The following PDZRN3 variants were observed in gnomAD, a reference collection of about 807,000 sequenced individuals.
The protein encoded by PDZRN3 is E3 ubiquitin-protein ligase PDZRN3.
In PDZRN3, 38 loss-of-function variants were observed where a neutral mutation model predicts 85.7. That is an observed-to-expected ratio of 0.44 (90% CI 0.34 to 0.58). The LOEUF (loss-of-function observed/expected upper bound fraction) is 0.58, where lower values mean the gene tolerates loss of function less well. PDZRN3 is among the 20% of genes least tolerant of loss of function. PDZRN3 has a pLI of 0.01. For missense variants in PDZRN3, 1,629 were observed against 1,506.4 expected (o/e 1.08, Z -1.35); for synonymous variants, 759 against 638.0 (o/e 1.19, Z -2.86).
intron 3 of PDZRN3, among the ~76,000 whole-genome samples, chr3:73,516,276 C>G (rs1704254218): frequency 6.6e-6 from 1 of 152,196 alleles, no homozygotes; most frequent in African/African-American, 2.4e-5. Flanking sequence ...ATAAGCCAGA[C>G]AGAATGAACA....
intron 3 of PDZRN3, among the ~76,000 whole-genome samples, chr3:73,471,812 A>G (rs1703346268): frequency 6.6e-6 from 1 of 152,242 alleles, no homozygotes; most frequent in East Asian, 1.9e-4. Context: ...CAAGAATTCT[A>G]ATGGATTTGT....
intron 3 of PDZRN3, among the ~76,000 whole-genome samples, chr3:73,459,225 T>C (rs1703052515): frequency 6.6e-6 from 1 of 152,096 alleles, no homozygotes; most frequent in Non-Finnish European, 1.5e-5. Context: ...ACCACCCCCA[T>C]AATAATTCAG....
At chr3:73,461,853 C>A (rs1344527400) in intron 3 of PDZRN3, among the ~76,000 whole-genome samples, 1 of 152,134 alleles carries the variant, frequency 6.6e-6, no homozygotes, top group Admixed American at 6.5e-5. Flanking sequence ...TACGGCAGGG[C>A]CAGCGCTTGG....
chr3:73,536,325 G>A (rs1559727228), intron 3 of PDZRN3, among the ~76,000 whole-genome samples: 1 of 152,240 alleles, frequency 6.6e-6, no homozygotes, highest in African/African-American at 2.4e-5. Flanking sequence ...TAGCCTGCCT[G>A]CAAGAGGAGT....
At chr3:73,458,798 T>G (rs1470693191) in intron 3 of PDZRN3, among the ~76,000 whole-genome samples, 1 of 151,386 alleles carries the variant, frequency 6.6e-6, no homozygotes, top group Non-Finnish European at 1.5e-5. Flanking sequence ...GAGACCAGCA[T>G]GGCCAATATG....
At chr3:73,597,231 T>C (rs1702442251) in intron 3 of PDZRN3, among the ~76,000 whole-genome samples, 1 of 152,140 alleles carries the variant, frequency 6.6e-6, no homozygotes, top group African/African-American at 2.4e-5. Context: ...TTCCACCAAG[T>C]AGCCTGGCTC....
At chr3:73,476,563 T>C (rs1229668613) in intron 3 of PDZRN3, among the ~76,000 whole-genome samples, 1 of 152,166 alleles carries the variant, frequency 6.6e-6, no homozygotes, top group African/African-American at 2.4e-5. Context: ...CCCAAGGTTG[T>C]TGTGTGTGAC....
At chr3:73,547,294 A>G (rs760644673) in intron 3 of PDZRN3, among the ~76,000 whole-genome samples, 1 of 152,242 alleles carries the variant, frequency 6.6e-6, no homozygotes. Flanking sequence ...TTTAAAGCTT[A>G]TAAGCCTTTC....
At chr3:73,588,083 C>T (rs36066605) in intron 3 of PDZRN3, among the ~76,000 whole-genome samples, 6,259 of 152,258 alleles carry the variant, frequency 0.041, 162 homozygotes, top group Middle Eastern at 0.12. Context: ...GTTCCCTCCC[C>T]TCACCCTCCA....
chr3:73,515,300 G>A (rs1015758751), intron 3 of PDZRN3, among the ~76,000 whole-genome samples: 4 of 148,908 alleles, frequency 2.7e-5, no homozygotes, highest in African/African-American at 7.4e-5. Flanking sequence ...CTCAGCCTCC[G>A]AAGTAGCTGG....
In PDZRN3 at chr3:73,624,744, G is replaced by A; in HGVS notation, c.82C>T (p.Pro28Ser). The change falls in exon 1 of 10, where the codon CCG becomes TCG. Residue 28 changes from proline (P) to serine (S), a missense_variant. Transcript: ENST00000263666. The part of the protein sequence containing the change: ...CALCHKVLED[P>S]LTTPCGHVFC... ...ACGTGGCCGCACGGCGTGGTCAGCG[G>A]GTCCTCCAGGACCTTGTGGCACAGC... 6.5e-7 allele frequency: 1 copy of A among 1,528,058 alleles called. No individual in the cohort carries two copies. Among genetic ancestry groups the A allele is most frequent in the Non-Finnish European group, 8.7e-7 (1 of 1,146,732 alleles). 94.7% of individuals were successfully genotyped at this position (1,528,058 alleles called of 1,614,324 possible). A position where few individuals can be genotyped will look rare whatever the true frequency, so the allele number is the denominator to read the frequency against.
At chr3:73,443,261 G>T (rs1276749646) in intron 3 of PDZRN3, among the ~76,000 whole-genome samples, 2 of 152,094 alleles carry the variant, frequency 1.3e-5, no homozygotes, top group Admixed American at 1.3e-4. Flanking sequence ...CTGACTTGCA[G>T]CCACCCCAGG....
chr3:73,526,991 G>A (rs1002717510), intron 3 of PDZRN3, among the ~76,000 whole-genome samples: 2 of 152,132 alleles, frequency 1.3e-5, no homozygotes, highest in African/African-American at 4.8e-5. Flanking sequence ...TGGGATTACA[G>A]GTGCTCATCA....
chr3:73,604,538 G>A (rs893162865), intron 2 of PDZRN3, among the ~76,000 whole-genome samples: 2 of 152,056 alleles, frequency 1.3e-5, no homozygotes, highest in African/African-American at 4.8e-5. Context: ...CTCCCACTGA[G>A]AAAACTCAAA....
intron 3 of PDZRN3, among the ~76,000 whole-genome samples, chr3:73,484,977 C>T (rs1703637237): frequency 6.6e-6 from 1 of 151,982 alleles, no homozygotes; most frequent in Non-Finnish European, 1.5e-5. Flanking sequence ...GTAAATTTAA[C>T]TTTAAAATGA....
At chr3:73,492,984 CTT>C (rs5850113) in intron 3 of PDZRN3, among the ~76,000 whole-genome samples, 5 of 104,044 alleles carry the variant, frequency 4.8e-5, no homozygotes, top group African/African-American at 1.3e-4. Flanking sequence ...GCTTTTCAAC[CTT>C]TTTTTTTTTT....
chr3:73,437,189 A>C (rs1469656991), intron 3 of PDZRN3, among the ~76,000 whole-genome samples: 1 of 152,186 alleles, frequency 6.6e-6, no homozygotes, highest in Non-Finnish European at 1.5e-5. Flanking sequence ...TAACAAACCC[A>C]TTACATAATA....
At chr3:73,496,606 T>A (rs79221114) in intron 3 of PDZRN3, among the ~76,000 whole-genome samples, 4,440 of 151,870 alleles carry the variant, frequency 0.029, 87 homozygotes, top group Non-Finnish European at 0.047. Context: ...AATGCTAATA[T>A]CACATAACAC....
intron 5 of PDZRN3, among the ~76,000 whole-genome samples, chr3:73,398,923 T>G (rs1158273211): frequency 6.6e-6 from 1 of 152,094 alleles, no homozygotes; most frequent in Non-Finnish European, 1.5e-5. Context: ...TGAGTCGAAT[T>G]AAAGAGAAAT....
Sources: allele counts gnomAD v4.1 joint callset (sites outside exome capture counted in the v4.1 genomes callset), GRCh38; gene constraint gnomAD v4.1.1; transcripts MANE v1.5; gene names NCBI Gene and HGNC (gene_info 2026-07-23, HGNC 2026-07-21).